OPA1: variants seen among roughly 807,000 people sequenced by gnomAD.
OPA1 encodes the protein OPA1 mitochondrial dynamin like GTPase, also known as dynamin-like GTPase OPA1, mitochondrial.
In OPA1, 59 loss-of-function variants were observed where a neutral mutation model predicts 152.9. That is an observed-to-expected ratio of 0.39 (90% CI 0.31 to 0.48). The LOEUF (loss-of-function observed/expected upper bound fraction) is 0.48. Ranked by LOEUF, OPA1 falls within the 20% of genes least tolerant of loss-of-function variation. The probability of loss-of-function intolerance (pLI) is 0.96; values close to 1 mark genes in which losing one functional copy is unlikely to be tolerated. For missense variants in OPA1, 1,008 were observed against 1,216.8 expected, an observed-to-expected ratio of 0.83 and a Z score of 2.55; for synonymous variants, 400 against 389.9, an observed-to-expected ratio of 1.03 and a Z score of -0.31.
At chr3:193,691,189 C>T (rs977387131) in intron 29 of OPA1, among the ~76,000 whole-genome samples, 4 of 152,188 alleles carry the variant, frequency 2.6e-5, no homozygotes, top group Non-Finnish European at 5.9e-5. Context: ...CCACTGCACG[C>T]CAACCTGGGC....
At position 193,683,598 on chromosome 3, in the gene OPA1, T is replaced by G. The variant is rs111599388; in HGVS notation, c.2984-8465T>G. Among the ~76,000 whole-genome samples the G allele has an allele frequency of 3.3e-5, 5 of 152,210 alleles. 1 individual carries two copies. The highest frequency in any genetic ancestry group is 9.6e-5 in the African/African-American group (4 of 41,536). On this transcript the variant is annotated intron_variant, in intron 29 of 30. Transcript: ENST00000361510. ...AGCAAACTACAATTGTTGTCTTATTTTAAGAAATTGCCATAGCCACCGTAA... is the reference window on the plus strand; with the variant it reads ...AGCAAACTACAATTGTTGTCTTATTGTAAGAAATTGCCATAGCCACCGTAA...
intron 11 of OPA1, among the ~76,000 whole-genome samples, chr3:193,640,337 G>A (rs536484337): frequency 1.3e-5 from 2 of 152,154 alleles, no homozygotes; most frequent in African/African-American, 4.8e-5. Flanking sequence ...AAGAGGGAAA[G>A]CAGAGCAGGA....
chr3:193,614,700 T>C, intron 1 of OPA1, 23 bp from the exon 2 acceptor site: 1 of 1,562,922 alleles, frequency 6.4e-7, no homozygotes, highest in South Asian at 1.1e-5. Flanking sequence ...CTGATCTTTC[T>C]TCCATATTCA....
chr3:193,644,262 T>TACCTTCA, intron 16 of OPA1, 157 bp downstream of exon 16: 1 of 813,750 alleles, frequency 1.2e-6, no homozygotes, highest in South Asian at 1.5e-5. Context: ...CAAAAGGAAA[T>TACCTTCA]GGTACATGGT....
intron 29 of OPA1, among the ~76,000 whole-genome samples, chr3:193,686,921 T>G (rs911282006): frequency 2.6e-5 from 4 of 152,166 alleles, no homozygotes; most frequent in Admixed American, 6.5e-5. Flanking sequence ...CAGCTTGCTT[T>G]CTTTAAAAAC....
intron 1 of OPA1, among the ~76,000 whole-genome samples, chr3:193,594,374 A>C (rs1312824044): frequency 6.6e-6 from 1 of 152,138 alleles, no homozygotes; most frequent in Non-Finnish European, 1.5e-5. Context: ...AAGGAATGGA[A>C]TGCATTCGTT....
chr3:193,594,537 G>A (rs530515965), intron 1 of OPA1, among the ~76,000 whole-genome samples: 2 of 152,270 alleles, frequency 1.3e-5, no homozygotes, highest in Admixed American at 1.3e-4. Flanking sequence ...ACAGGCACGC[G>A]CCAGCACGCC....
At chr3:193,630,173 C>G (rs756253942) in intron 7 of OPA1, among the ~76,000 whole-genome samples, 8 of 152,174 alleles carry the variant, frequency 5.3e-5, no homozygotes, top group Non-Finnish European at 8.8e-5. Flanking sequence ...CTTGTCTCCT[C>G]ACAGTTTAGG....
At chr3:193,676,841 C>T (rs184395944) in intron 29 of OPA1, among the ~76,000 whole-genome samples, 188 of 152,006 alleles carry the variant, frequency 1.2e-3, no homozygotes, top group African/African-American at 3.9e-3. Context: ...TTTAGCCAGG[C>T]GTGGTGGCGG....
chr3:193,673,372 G>A (rs1021948703), intron 29 of OPA1, among the ~76,000 whole-genome samples: 8 of 152,146 alleles, frequency 5.3e-5, no homozygotes, highest in Non-Finnish European at 1.0e-4. Context: ...CTTTCAAATT[G>A]TATGAGAACT....
At chr3:193,611,998 G>A (rs1205955911) in intron 1 of OPA1, among the ~76,000 whole-genome samples, 3 of 152,140 alleles carry the variant, frequency 2.0e-5, no homozygotes, top group African/African-American at 7.2e-5. Context: ...GTCCTCCTCA[G>A]GTTTGTCCCA....
chr3:193,668,232 T>C lies in OPA1; in HGVS notation c.2983+952T>C, dbSNP rs966679932. The C allele has an allele frequency of 1.5e-5, 14 of 947,654 alleles. No homozygotes were observed. In the African/African-American group the frequency reaches 2.3e-4, roughly 16 times the overall value. 58.7% of individuals were successfully genotyped at this position (947,654 alleles called of 1,614,324 possible). A position where few individuals can be genotyped will look rare whatever the true frequency, so the allele number is the denominator to read the frequency against. On this transcript the variant is annotated intron_variant, in intron 29 of 30. Coordinates refer to ENST00000361510, the MANE Select transcript of OPA1 (RefSeq NM_130837.3). ...TTCCTGATAGAAAACGGGCTTCTAGTATCCTTAATATATTTTCATATTTTG... is the reference window on the plus strand; with the variant it reads ...TTCCTGATAGAAAACGGGCTTCTAGCATCCTTAATATATTTTCATATTTTG...
chr3:193,594,923 A>G (rs1415468851), intron 1 of OPA1, among the ~76,000 whole-genome samples: 1 of 152,214 alleles, frequency 6.6e-6, no homozygotes, highest in Admixed American at 6.5e-5. Context: ...ATAAAAAGAG[A>G]AAAGACTGCA....
chr3:193,636,736 G>A (rs1733008153), intron 9 of OPA1, among the ~76,000 whole-genome samples: 1 of 152,066 alleles, frequency 6.6e-6, no homozygotes, highest in African/African-American at 2.4e-5. Flanking sequence ...CAGTCTTCCT[G>A]GTTTATCCTT....
At chr3:193,677,008 A>G (rs1004867039) in intron 29 of OPA1, among the ~76,000 whole-genome samples, 2 of 147,348 alleles carry the variant, frequency 1.4e-5, no homozygotes, top group African/African-American at 2.5e-5. Flanking sequence ...AAAAAAAGTC[A>G]CTGTTGAAGA....
chr3:193,593,656 C>G (rs982034639), intron 1 of OPA1, among the ~76,000 whole-genome samples: 1 of 152,232 alleles, frequency 6.6e-6, no homozygotes, highest in African/African-American at 2.4e-5. Flanking sequence ...GCCTCTCAAT[C>G]TTGGCCCGTC....
chr3:193,593,896 G>A lies in OPA1; in HGVS notation c.32+487G>A, dbSNP rs570470827. ...CCTGGGCTCTTCTATCGGGGAAAGG[G>A]GCGTCCGTCTCTTTCCCTAGCCCGC... On this transcript the variant is annotated intron_variant, in intron 1 of 30. Transcript: ENST00000361510. Among the ~76,000 whole-genome samples, 4 of 152,036 alleles carry A rather than the reference G, an allele frequency of 2.6e-5. No homozygotes were observed. The East Asian group carries it at 5.8e-4, about 22-fold the overall frequency.
At chr3:193,675,198 A>G (rs1007085849) in intron 29 of OPA1, among the ~76,000 whole-genome samples, 10 of 151,786 alleles carry the variant, frequency 6.6e-5, no homozygotes, top group African/African-American at 2.4e-4. Flanking sequence ...CTTTAAAGGC[A>G]TCTGCACTGG....
At chr3:193,655,399 A>C (rs1310599491) in intron 22 of OPA1, among the ~76,000 whole-genome samples, 2 of 152,238 alleles carry the variant, frequency 1.3e-5, no homozygotes, top group African/African-American at 4.8e-5. Flanking sequence ...AATACTTAAT[A>C]GATGAAGCAT....
Sources: allele counts gnomAD v4.1 joint callset (sites outside exome capture counted in the v4.1 genomes callset), GRCh38; gene constraint gnomAD v4.1.1; transcripts MANE v1.5; gene names NCBI Gene and HGNC (gene_info 2026-07-23, HGNC 2026-07-21).